PC: variants seen among roughly 807,000 people sequenced by gnomAD.
PC encodes the protein pyruvate carboxylase, also known as pyruvate carboxylase, mitochondrial.
A neutral mutation model predicts 107.8 loss-of-function variants in PC; 46 were observed. The observed-to-expected ratio is 0.43, with a 90% CI of 0.34 to 0.55. The LOEUF is 0.55. Ranked by LOEUF, PC falls within the 20% of genes least tolerant of loss-of-function variation. PC has a pLI of 0.04. For synonymous variants in PC, 662 were observed against 684.7 expected, an observed-to-expected ratio of 0.97 and a Z score of 0.52; for missense variants, 1,241 against 1,643.1, an observed-to-expected ratio of 0.76 and a Z score of 4.23.
At chr11:66,924,806 G>A (rs1026000963) in intron 3 of PC, among the ~76,000 whole-genome samples, 1 of 152,118 alleles carries the variant, frequency 6.6e-6, no homozygotes, top group African/African-American at 2.4e-5. Context: ...CATGATCTTT[G>A]GACAAAAGGA....
chr11:66,881,546 C>A (rs1055440704), intron 3 of PC, among the ~76,000 whole-genome samples: 1 of 152,254 alleles, frequency 6.6e-6, no homozygotes, highest in African/African-American at 2.4e-5. Context: ...GCCTGGCCGT[C>A]ACCTGCCCCG....
intron 3 of PC, among the ~76,000 whole-genome samples, chr11:66,910,248 G>A (rs1948296046): frequency 6.6e-6 from 1 of 152,146 alleles, no homozygotes; most frequent in Admixed American, 6.5e-5. Context: ...GGTTCCAGGT[G>A]GAGAACGAGT....
intron 3 of PC, among the ~76,000 whole-genome samples, chr11:66,878,364 C>G (rs774692600): frequency 2.0e-5 from 3 of 152,226 alleles, no homozygotes; most frequent in Non-Finnish European, 4.4e-5. Context: ...CTGTCCACAC[C>G]ACACTCACTC....
intron 12 of PC, among the ~76,000 whole-genome samples, chr11:66,856,491 G>A (rs1314816582): frequency 1.3e-5 from 2 of 152,076 alleles, no homozygotes; most frequent in East Asian, 1.9e-4. Flanking sequence ...TGCCAGGGGC[G>A]CCGCCCCAGC....
rs773286978 is a variant in PC, at chr11:66,871,922, G to C, written c.137-51C>G. On this transcript the variant is annotated intron_variant, in intron 4 of 22. Transcript: ENST00000393960. This position sits in a 1 kb window ranked among gnomAD's most constrained non-coding sequence, Gnocchi z 7.4. ...AGATTCCTAGGTCCTAGGAGAAGCA[G>C]AAAGGGGAGTGGGAAGCCAGGGCCT... The C allele has an allele frequency of 1.4e-5, 23 of 1,587,424 alleles. No individual in the cohort carries two copies. Among genetic ancestry groups the C allele is most frequent in the Non-Finnish European group, 1.9e-5 (22 of 1,168,692 alleles).
intron 12 of PC, among the ~76,000 whole-genome samples, chr11:66,853,806 C>T (rs1207071874): frequency 1.3e-5 from 2 of 152,332 alleles, no homozygotes; most frequent in Middle Eastern, 3.4e-3. Flanking sequence ...GGCATGCTCC[C>T]GCCTTGCTGC....
chr11:66,891,984 G>T (rs1947593120), intron 3 of PC, among the ~76,000 whole-genome samples: 1 of 152,084 alleles, frequency 6.6e-6, no homozygotes, highest in African/African-American at 2.4e-5. Flanking sequence ...TTTCTGCTGG[G>T]CTGGTTGTCT....
At position 66,850,957 on chromosome 11, in the gene PC, G is replaced by T. The variant is rs1035356029; in HGVS notation, c.2224-34C>A. ...AGTGGGAGAGAGAGAGAGAGAGATGGTAGAGAGGGCAGGATGTGTGCCTGT... is the reference window on the plus strand; with the variant it reads ...AGTGGGAGAGAGAGAGAGAGAGATGTTAGAGAGGGCAGGATGTGTGCCTGT... On this transcript the variant is annotated intron_variant, in intron 17 of 22. Coordinates refer to ENST00000393960, the MANE Select transcript of PC (RefSeq NM_001040716.2). 9 of 1,607,280 alleles carry T rather than the reference G, an allele frequency of 5.6e-6. No homozygotes were observed. In the Admixed American group the frequency reaches 1.5e-4, roughly 27 times the overall value.
rs1565238232 is a variant in PC at position 66,866,374 on chromosome 11, G to A, written c.1023-25C>T. 5.0e-6 allele frequency: 7 copies of A among 1,407,378 alleles called. No homozygotes were observed. The Admixed American group carries it at 5.4e-5, about 11-fold the overall frequency. 87.2% of individuals were successfully genotyped at this position (1,407,378 alleles called of 1,614,324 possible). On this transcript the variant is annotated intron_variant, in intron 10 of 22. Transcript: ENST00000393960. The surrounding 1 kb of genome is among the most constrained non-coding windows in gnomAD (Gnocchi z 5.4). ...GCTGTAGGGCATTGGGGGGAGGGGG[G>A]AAAGGACGGGAGAAAGGGGGAAACA...
In PC at chr11:66,853,365, G is replaced by A; in HGVS notation, c.1387C>T (p.Gln463Ter). 6.2e-7 allele frequency: 1 copy of A among 1,614,078 alleles called. No individual in the cohort carries two copies. The highest frequency in any genetic ancestry group is 8.5e-7 in the Non-Finnish European group (1 of 1,179,992). The part of the protein sequence containing the change: ...RGVKTNIAFL[Q>*]NVLNNQQFLA... ...AACTGCTGGTTGTTGAGCACATTCT[G>A]CAGGAAGGCGATGTTGGTCTGCAGG... The change falls in exon 13 of 23, where the codon CAG becomes TAG. Residue 463 changes from glutamine to a stop codon, truncating the protein, a stop_gained. Coordinates refer to ENST00000393960, the MANE Select transcript of PC (RefSeq NM_001040716.2). LOFTEE classifies it high-confidence loss of function.
In PC at chr11:66,866,110, G is replaced by A; in HGVS notation, c.1185+77C>T. ...CCTAACTGCCGGGCTGTGGCAACTTGGCACTGCAGCCCCAGGCACCAGGCA... is the reference window on the plus strand; with the variant it reads ...CCTAACTGCCGGGCTGTGGCAACTTAGCACTGCAGCCCCAGGCACCAGGCA... On this transcript the variant is annotated intron_variant, in intron 11 of 22. Transcript: ENST00000393960. This position sits in a 1 kb window ranked among gnomAD's most constrained non-coding sequence, Gnocchi z 5.4. The A allele has an allele frequency of 6.6e-7, 1 of 1,511,424 alleles. No homozygotes were observed. The highest frequency in any genetic ancestry group is 1.4e-5 in the African/African-American group (1 of 73,524). The allele number at this position is 1,511,424 out of a possible 1,614,324, so 93.6% of individuals were successfully genotyped here.
chr11:66,910,811 T>C (rs1948314061), intron 3 of PC, among the ~76,000 whole-genome samples: 1 of 152,118 alleles, frequency 6.6e-6, no homozygotes, highest in Non-Finnish European at 1.5e-5. Context: ...GTGCTGACAG[T>C]CTCACAGTGT....
At position 66,870,281 on chromosome 11, in the gene PC, C is replaced by A; in HGVS notation, c.903+21G>T. The A allele has an allele frequency of 2.5e-6, 4 of 1,612,052 alleles. No individual in the cohort carries two copies. Among genetic ancestry groups the A allele is most frequent in the Non-Finnish European group, 3.4e-6 (4 of 1,179,934 alleles). On this transcript the variant is annotated intron_variant, in intron 9 of 22. Coordinates refer to ENST00000393960, the MANE Select transcript of PC (RefSeq NM_001040716.2). The surrounding 1 kb of genome is among the most constrained non-coding windows in gnomAD (Gnocchi z 6.1). ...CTGTGAGCACAGGCTCCTGTCCCAA[C>A]ACGGGAAGCCCACCCTTCACCTGTT...
intron 1 of PC, among the ~76,000 whole-genome samples, chr11:66,956,510 G>A (rs529881921): frequency 3.3e-5 from 5 of 152,190 alleles, no homozygotes; most frequent in African/African-American, 7.2e-5. Context: ...GCTTGAACTC[G>A]GGAGGCGGAG....
At chr11:66,904,519 T>C (rs558093847) in intron 3 of PC, among the ~76,000 whole-genome samples, 132 of 152,318 alleles carry the variant, frequency 8.7e-4, no homozygotes, top group Admixed American at 1.8e-3. Flanking sequence ...GCGCCTGTAG[T>C]CCCAGCTACT....
intron 3 of PC, among the ~76,000 whole-genome samples, chr11:66,886,884 C>T (rs188655237): frequency 1.3e-5 from 2 of 152,276 alleles, no homozygotes; most frequent in East Asian, 1.9e-4. Flanking sequence ...CAGGAAGGCA[C>T]GCTGCTAGGA....
In PC at chr11:66,857,823, T is replaced by C; in HGVS notation, c.1369-4440A>G. ...GCTGCCCTGCGTCTGCCAGAACCTG[T>C]CCGAGTCGCTCAGCACCCTCTGTGC... On this transcript the variant is annotated intron_variant, in intron 12 of 22. Transcript: ENST00000393960. This position sits in a 1 kb window ranked among gnomAD's most constrained non-coding sequence, Gnocchi z 7.1. 6.2e-7 allele frequency: 1 copy of C among 1,604,064 alleles called. No homozygotes were observed. The highest frequency in any genetic ancestry group is 8.5e-7 in the Non-Finnish European group (1 of 1,179,784).
At chr11:66,917,447 A>T (rs1948489316) in intron 3 of PC, among the ~76,000 whole-genome samples, 1 of 152,126 alleles carries the variant, frequency 6.6e-6, no homozygotes, top group Non-Finnish European at 1.5e-5. Flanking sequence ...GTTTCCAGAG[A>T]TCACCCTTCA....
Position 66,857,989 on chromosome 11 carries a change from A to T in PC, c.1369-4606T>A. On this transcript the variant is annotated intron_variant, in intron 12 of 22. Coordinates refer to ENST00000393960, the MANE Select transcript of PC (RefSeq NM_001040716.2). This position sits in a 1 kb window ranked among gnomAD's most constrained non-coding sequence, Gnocchi z 7.1. ...CTGGTGGACCTGACACTGTCTCGCA[A>T]TGCCATCACCCGCATTGGGGCCCGC... The T allele has an allele frequency of 6.2e-7, 1 of 1,612,446 alleles. No homozygotes were observed. The highest frequency in any genetic ancestry group is 2.2e-5 in the East Asian group (1 of 44,866).
Sources: gnomAD v4.1 joint callset for allele counts (sites outside exome capture counted in the v4.1 genomes callset) on GRCh38, gnomAD v4.1.1 for gene constraint, Gnocchi (gnomAD v3.1) non-coding constraint, MANE v1.5 for transcripts, NCBI Gene and HGNC (gene_info 2026-07-23, HGNC 2026-07-21) for gene names.